Variants in ETV2 observed in about 807,000 individuals in gnomAD.
ETV2 encodes ETS translocation variant 2.
A neutral mutation model predicts 35.7 loss-of-function variants in ETV2; 34 were observed. That is an observed-to-expected ratio of 0.95 (90% CI 0.72 to 1.27). ETV2 has a LOEUF of 1.27. Among genes scored for constraint, ETV2 ranks in the 50% most tolerant of loss-of-function variants. ETV2 has a pLI of 0.00. For synonymous variants in ETV2, 207 were observed against 203.9 expected (o/e 1.02, Z -0.13); for missense variants, 512 against 470.5 (o/e 1.09, Z -0.82).
rs1315174849 is a variant in ETV2, at chr19:35,643,260, G to T, written c.236-14G>T. 6 of 1,586,002 alleles carry T rather than the reference G, an allele frequency of 3.8e-6. No individual in the cohort carries two copies. Among genetic ancestry groups the T allele is most frequent in the African/African-American group, 1.3e-5 (1 of 74,516 alleles). ...CCTGGGCTCCCCTCACTCGGGATCC[G>T]TTACTCCTCACAGAGCCCGACTCTC... On this transcript the variant is annotated splice_polypyrimidine_tract_variant and intron_variant, in intron 4 of 6. Transcript: ENST00000402764. This position sits in a 1 kb window ranked among gnomAD's most constrained non-coding sequence, Gnocchi z 5.0.
rs774618507 is a variant in ETV2 at position 35,642,620 on chromosome 19, G to A, written c.76G>A (p.Ala26Thr). The change falls in exon 3 of 7, where the codon GCC becomes ACC. Residue 26 changes from alanine (A) to threonine (T), a missense_variant. Physicochemically the swap from Ala to Thr is moderately conservative, Grantham distance 58. Coordinates refer to ENST00000402764, the MANE Select transcript of ETV2 (RefSeq NM_014209.4). The surrounding 1 kb of genome is among the most constrained non-coding windows in gnomAD (Gnocchi z 4.4). ...PGNKLAGLEG[A>T]KLGFCFPDLA... Reference sequence around the variant, plus strand: ...TAACCCCTTATCGCCTGCAGAAGGAGCCAAATTAGGCTTCTGTTTCCCTGA... The same window carrying A: ...TAACCCCTTATCGCCTGCAGAAGGAACCAAATTAGGCTTCTGTTTCCCTGA... The A allele has an allele frequency of 2.1e-5, 33 of 1,609,280 alleles. No homozygotes were observed. The highest frequency in any genetic ancestry group is 2.0e-4 in the South Asian group (18 of 90,260).
In ETV2 at chr19:35,643,240, G is replaced by T; in HGVS notation, c.236-34G>T. ...CTAGAGTTTTTGAGGGGGCACCTGGGCTCCCCTCACTCGGGATCCGTTACT... is the reference window on the plus strand; with the variant it reads ...CTAGAGTTTTTGAGGGGGCACCTGGTCTCCCCTCACTCGGGATCCGTTACT... On this transcript the variant is annotated intron_variant, in intron 4 of 6. Transcript: ENST00000402764. The surrounding 1 kb of genome is among the most constrained non-coding windows in gnomAD (Gnocchi z 5.0). 1 of 1,565,932 alleles carries T rather than the reference G, an allele frequency of 6.4e-7. No homozygotes were observed. The highest frequency in any genetic ancestry group is 1.4e-5 in the African/African-American group (1 of 74,058).
At position 35,643,587 on chromosome 19, in the gene ETV2, C is replaced by T. The variant is rs1289740462; in HGVS notation, c.549C>T (p.Gly183=). 2 of 1,587,466 alleles carry T rather than the reference C, an allele frequency of 1.3e-6. No individual in the cohort carries two copies. Among genetic ancestry groups the T allele is most frequent in the East Asian group, 2.3e-5 (1 of 43,060 alleles). ...GCACGGACTGTACCATTTCGTGGGG[C>T]GGGCCCGCGGGCCCGGACTGTACCA... is the stretch of plus-strand genomic sequence containing the variant. ...EPRTDCTISW[G]GPAGPDCTTS... is the part of the protein sequence containing the mutation. Residue 183 remains glycine (G), a synonymous_variant, in exon 5 of 7, where the codon GGC becomes GGT. Transcript: ENST00000402764. This position sits in a 1 kb window ranked among gnomAD's most constrained non-coding sequence, Gnocchi z 5.0.
chr19:35,643,315 G>C lies in ETV2; in HGVS notation c.277G>C (p.Asp93His). The part of the protein sequence containing the change: ...QALPWSGDWT[D>H]MACTAWDSWS... ...TCTTCCGTGGTCCGGGGACTGGACA[G>C]ACATGGCGTGCACAGCCTGGGACTC... is the stretch of plus-strand genomic sequence containing the variant. The change falls in exon 5 of 7, where the codon GAC becomes CAC. Residue 93 changes from aspartate (D) to histidine (H), a missense_variant. Physicochemically the swap from Asp to His is moderately conservative, Grantham distance 81. Coordinates refer to ENST00000402764, the MANE Select transcript of ETV2 (RefSeq NM_014209.4). This position sits in a 1 kb window ranked among gnomAD's most constrained non-coding sequence, Gnocchi z 5.0. 2 of 1,602,370 alleles carry C rather than the reference G, an allele frequency of 1.2e-6. No individual in the cohort carries two copies. Among genetic ancestry groups the C allele is most frequent in the Non-Finnish European group, 1.7e-6 (2 of 1,176,176 alleles).
At position 35,642,582 on chromosome 19, in the gene ETV2, C is replaced by T. The variant is rs376518576; in HGVS notation, c.71-33C>T. 8.1e-6 allele frequency: 13 copies of T among 1,612,470 alleles called. No individual in the cohort carries two copies. Among genetic ancestry groups the T allele is most frequent in the South Asian group, 1.1e-5 (1 of 90,846 alleles). On this transcript the variant is annotated intron_variant, in intron 2 of 6. Transcript: ENST00000402764. The surrounding 1 kb of genome is among the most constrained non-coding windows in gnomAD (Gnocchi z 4.4). ...GTGTGGGGAGGGTGTCCAGGTGGGG[C>T]CTCTGCTGACCCTAACCCCTTATCG...
At position 35,642,612 on chromosome 19, in the gene ETV2, CAGA is replaced by C. The variant is rs762424182; in HGVS notation, c.71_73del (p.Glu24del). On this transcript the variant is annotated splice_acceptor_variant and coding_sequence_variant, in exon 3 of 7. Transcript: ENST00000402764. LOFTEE classifies it high-confidence loss of function. The surrounding 1 kb of genome is among the most constrained non-coding windows in gnomAD (Gnocchi z 4.4). ...GCTGACCCTAACCCCTTATCGCCTG[CAGA>C]AGGAGCCAAATTAGGCTTCTGTTTC... The C allele has an allele frequency of 1.2e-5, 20 of 1,610,018 alleles. No homozygotes were observed. In the African/African-American group the frequency reaches 1.7e-4, roughly 14 times the overall value.
rs1000249590 is a variant in ETV2 at position 35,644,869 on chromosome 19, C to A, written c.*17C>A. ...ACACAATAAAAATTCCCGGTCAAAC[C>A]TCTTCGCGCGTGCTCCTCTGCAGCA... is the stretch of plus-strand genomic sequence containing the variant. On this transcript the variant is annotated 3_prime_UTR_variant, in exon 7 of 7. Transcript: ENST00000402764. The surrounding 1 kb of genome is among the most constrained non-coding windows in gnomAD (Gnocchi z 4.7). 6.4e-7 allele frequency: 1 copy of A among 1,570,236 alleles called. No homozygotes were observed. Among genetic ancestry groups the A allele is most frequent in the Non-Finnish European group, 8.7e-7 (1 of 1,155,800 alleles).
In ETV2 at chr19:35,644,726, C is replaced by G; in HGVS notation, c.903C>G (p.Tyr301Ter). 1 of 1,607,536 alleles carries G rather than the reference C, an allele frequency of 6.2e-7. No homozygotes were observed. Residue 301 changes from tyrosine (Y) to a stop codon, truncating the protein, a stop_gained, in exon 7 of 7, where the codon TAC becomes TAG. Coordinates refer to ENST00000402764, the MANE Select transcript of ETV2 (RefSeq NM_014209.4). LOFTEE classifies it low-confidence loss of function (END_TRUNC). The surrounding 1 kb of genome is among the most constrained non-coding windows in gnomAD (Gnocchi z 4.7). ...AGAAGCTGAGCCGGGGCCTTCGCTA[C>G]TACTATCGCCGCGACATCGTGCGCA... ...NYEKLSRGLR[Y>*]YYRRDIVRKS...
chr19:35,644,159 C>T lies in ETV2; in HGVS notation c.716-76C>T, dbSNP rs1055938201. ...GGTCCTGGGTCCCGAGTTGGGAGGACCCGGACCTCTAGATCATTGAAGTGG... is the reference window on the plus strand; with the variant it reads ...GGTCCTGGGTCCCGAGTTGGGAGGATCCGGACCTCTAGATCATTGAAGTGG... On this transcript the variant is annotated intron_variant, in intron 5 of 6. Transcript: ENST00000402764. This position sits in a 1 kb window ranked among gnomAD's most constrained non-coding sequence, Gnocchi z 4.7. 3.8e-5 allele frequency: 39 copies of T among 1,038,006 alleles called. No individual in the cohort carries two copies. The South Asian group carries it at 4.4e-4, about 12-fold the overall frequency. The allele number at this position is 1,038,006 out of a possible 1,614,324, so 64.3% of individuals were successfully genotyped here.
In ETV2 at chr19:35,642,916, G is replaced by C; in HGVS notation, c.155-49G>C. ...CCCTGACAAGTAGAGACTAGAGAGT[G>C]GGTAGTTGAGGGGTCTCTTTCATTG... On this transcript the variant is annotated intron_variant, in intron 3 of 6. Transcript: ENST00000402764. The surrounding 1 kb of genome is among the most constrained non-coding windows in gnomAD (Gnocchi z 4.4). 1 of 1,131,580 alleles carries C rather than the reference G, an allele frequency of 8.8e-7. No individual in the cohort carries two copies. Among genetic ancestry groups the C allele is most frequent in the Non-Finnish European group, 1.3e-6 (1 of 764,148 alleles). 70.1% of individuals were successfully genotyped at this position (1,131,580 alleles called of 1,614,324 possible). A position where few individuals can be genotyped will look rare whatever the true frequency, so the allele number is the denominator to read the frequency against.
In ETV2 at chr19:35,643,458, C is replaced by T. The variant is rs2146362451; in HGVS notation, c.420C>T (p.Thr140=). ...GCGTCCCCGTGGCGGGAGAGGCCAC[C>T]TCGTGGTCGCGCGCCCAGGCCGCCG... ...QNCVPVAGEA[T]SWSRAQAAGS... Residue 140 remains threonine (T), a synonymous_variant, in exon 5 of 7, where the codon ACC becomes ACT. Transcript: ENST00000402764. The surrounding 1 kb of genome is among the most constrained non-coding windows in gnomAD (Gnocchi z 5.0). 1.3e-6 allele frequency: 2 copies of T among 1,547,460 alleles called. No individual in the cohort carries two copies. The highest frequency in any genetic ancestry group is 4.9e-5 in the East Asian group (2 of 40,728).
Position 35,642,220 on chromosome 19 carries a change from A to C in ETV2, c.-28+64A>C. The C allele has an allele frequency of 4.7e-6, 2 of 428,748 alleles. No homozygotes were observed. Among genetic ancestry groups the C allele is most frequent in the Non-Finnish European group, 4.2e-6 (1 of 240,488 alleles). 26.6% of individuals were successfully genotyped at this position (428,748 alleles called of 1,614,324 possible). On this transcript the variant is annotated intron_variant, in intron 1 of 6. Coordinates refer to ENST00000402764, the MANE Select transcript of ETV2 (RefSeq NM_014209.4). The surrounding 1 kb of genome is among the most constrained non-coding windows in gnomAD (Gnocchi z 4.4). ...GGTTAGGAAGGACCTGGGGGACTAGACTCCCAAGAAGCCGGGGGCCTGGAC... is the reference window on the plus strand; with the variant it reads ...GGTTAGGAAGGACCTGGGGGACTAGCCTCCCAAGAAGCCGGGGGCCTGGAC...
chr19:35,643,601 C>A lies in ETV2; in HGVS notation c.563C>A (p.Pro188Gln), dbSNP rs1256892037. 3.7e-6 allele frequency: 6 copies of A among 1,603,816 alleles called. No homozygotes were observed. Among genetic ancestry groups the A allele is most frequent in the Non-Finnish European group, 4.3e-6 (5 of 1,175,712 alleles). The change falls in exon 5 of 7, where the codon CCG (proline) becomes CAG (glutamine). Residue 188 changes from proline to glutamine, a missense_variant. By Grantham distance (76) the Pro-to-Gln change is moderately conservative (BLOSUM62 -1). Transcript: ENST00000402764. The surrounding 1 kb of genome is among the most constrained non-coding windows in gnomAD (Gnocchi z 5.0). The stretch of plus-strand genomic sequence containing the variant: ...ATTTCGTGGGGCGGGCCCGCGGGCC[C>A]GGACTGTACCACCTCCTGGAACCCG... Reference protein sequence around the residue: ...CTISWGGPAGPDCTTSWNPGL... With the variant: ...CTISWGGPAGQDCTTSWNPGL...
rs373559406 is a variant in ETV2, at chr19:35,642,560, T to G, written c.70+30T>G. ...GCTGCCGAGGCTGCCACAACGTGTGTGGGGAGGGTGTCCAGGTGGGGCCTC... is the reference window on the plus strand; with the variant it reads ...GCTGCCGAGGCTGCCACAACGTGTGGGGGGAGGGTGTCCAGGTGGGGCCTC... On this transcript the variant is annotated intron_variant, in intron 2 of 6. Transcript: ENST00000402764. This position sits in a 1 kb window ranked among gnomAD's most constrained non-coding sequence, Gnocchi z 4.4. 3.5e-4 allele frequency: 560 copies of G among 1,613,620 alleles called. No individual in the cohort carries two copies. The highest frequency in any genetic ancestry group is 4.5e-4 in the Non-Finnish European group (528 of 1,179,782).
chr19:35,643,142 C>G lies in ETV2; in HGVS notation c.235+97C>G. On this transcript the variant is annotated intron_variant, in intron 4 of 6. Coordinates refer to ENST00000402764, the MANE Select transcript of ETV2 (RefSeq NM_014209.4). This position sits in a 1 kb window ranked among gnomAD's most constrained non-coding sequence, Gnocchi z 5.0. ...CCTGATCTTTGAGGACTGAGAACACCTGCGCCCTCAAGGTGGCATGACCTG... is the reference window on the plus strand; with the variant it reads ...CCTGATCTTTGAGGACTGAGAACACGTGCGCCCTCAAGGTGGCATGACCTG... 1 of 1,403,374 alleles carries G rather than the reference C, an allele frequency of 7.1e-7. No homozygotes were observed. The highest frequency in any genetic ancestry group is 9.7e-7 in the Non-Finnish European group (1 of 1,028,706). 86.9% of individuals were successfully genotyped at this position (1,403,374 alleles called of 1,614,324 possible). A position where few individuals can be genotyped will look rare whatever the true frequency, so the allele number is the denominator to read the frequency against.
At position 35,644,826 on chromosome 19, in the gene ETV2, G is replaced by A; in HGVS notation, c.1003G>A (p.Gly335Ser). ...CCTAGCCTATCCGGACTGTGCGGGA[G>A]GCGGACGGGGAGCAGAGACACAATA... is the stretch of plus-strand genomic sequence containing the variant. ...PSLAYPDCAGGGRGAETQ is the reference protein window; with the variant it reads ...PSLAYPDCAGSGRGAETQ The change falls in exon 7 of 7, where the codon GGC (glycine) becomes AGC (serine). Residue 335 changes from glycine (G) to serine (S), a missense_variant. Transcript: ENST00000402764. The surrounding 1 kb of genome is among the most constrained non-coding windows in gnomAD (Gnocchi z 4.7). The A allele has an allele frequency of 6.2e-7, 1 of 1,609,458 alleles. No homozygotes were observed. Among genetic ancestry groups the A allele is most frequent in the Middle Eastern group, 1.7e-4 (1 of 6,056 alleles).
chr19:35,643,193 G>T lies in ETV2; in HGVS notation c.236-81G>T. ...GATCCGGGTCAGCCGGGCCCCAAGT[G>T]CCAGGGTTGAGAGCTTAGACCCTAG... On this transcript the variant is annotated intron_variant, in intron 4 of 6. Transcript: ENST00000402764. This position sits in a 1 kb window ranked among gnomAD's most constrained non-coding sequence, Gnocchi z 5.0. The T allele has an allele frequency of 2.6e-6, 4 of 1,518,276 alleles. No homozygotes were observed. The highest frequency in any genetic ancestry group is 3.5e-6 in the Non-Finnish European group (4 of 1,133,888). The allele number at this position is 1,518,276 out of a possible 1,614,324, so 94.1% of individuals were successfully genotyped here. A position where few individuals can be genotyped will look rare whatever the true frequency, so the allele number is the denominator to read the frequency against.
rs144143132 is a variant in ETV2 at position 35,643,750 on chromosome 19, C to G, written c.712C>G (p.Arg238Gly). 4.5e-4 allele frequency: 725 copies of G among 1,613,516 alleles called. 4 individuals carry two copies. In the African/African-American group the frequency reaches 7.7e-3, roughly 17 times the overall value. The change falls in exon 5 of 7, where the codon CGA (arginine) becomes GGA (glycine). Residue 238 changes from arginine (R) to glycine (G), a missense_variant. Arg to Gly is a moderately radical substitution (Grantham distance 125). Transcript: ENST00000402764. The surrounding 1 kb of genome is among the most constrained non-coding windows in gnomAD (Gnocchi z 5.0). ...SLARCPKTNH[R>G]GPIQLWQFLL... ...GGCTCGATGCCCCAAAACTAACCAC[C>G]GAGGTGAGAGGGCCGCAAAGACTGC... is the stretch of plus-strand genomic sequence containing the variant.
rs1307928038 is a variant in ETV2 at position 35,644,329 on chromosome 19, G to A, written c.810G>A (p.Gln270=). 3.2e-6 allele frequency: 5 copies of A among 1,552,964 alleles called. No homozygotes were observed. The highest frequency in any genetic ancestry group is 4.4e-6 in the Non-Finnish European group (5 of 1,147,564). ...IRWTGNSREF[Q]LCDPKEVARL... is the part of the protein sequence containing the mutation. ...GGACTGGCAACAGCCGCGAGTTCCAGCTGTGCGACCCCAAAGAGGTGGGGC... is the reference window on the plus strand; with the variant it reads ...GGACTGGCAACAGCCGCGAGTTCCAACTGTGCGACCCCAAAGAGGTGGGGC... The change falls in exon 6 of 7, where the codon CAG becomes CAA. Residue 270 remains glutamine, a synonymous_variant. Transcript: ENST00000402764. This position sits in a 1 kb window ranked among gnomAD's most constrained non-coding sequence, Gnocchi z 4.7.
Sources: gnomAD v4.1 joint callset for allele counts on GRCh38, gnomAD v4.1.1 for gene constraint, Gnocchi (gnomAD v3.1) non-coding constraint, MANE v1.5 for transcripts, NCBI Gene and HGNC (gene_info 2026-07-23, HGNC 2026-07-21) for gene names.